The following RFC1 variants were observed in gnomAD, a reference collection of about 807,000 sequenced individuals.
The protein encoded by RFC1 is A1 140 kDa subunit.
In RFC1, 37 loss-of-function variants were observed where a neutral mutation model predicts 137.4. That is an observed-to-expected ratio of 0.27 (90% CI 0.21 to 0.35). The LOEUF (loss-of-function observed/expected upper bound fraction) is 0.35. Ranked by LOEUF, RFC1 falls within the 10% of genes least tolerant of loss-of-function variation. The probability of loss-of-function intolerance (pLI) is 1.00; values close to 1 mark genes in which losing one functional copy is unlikely to be tolerated. For missense variants in RFC1, 1,205 were observed against 1,358.5 expected (o/e 0.89, Z 1.78); for synonymous variants, 429 against 455.7 (o/e 0.94, Z 0.75).
chr4:39,288,714 G>C lies in RFC1; in HGVS notation c.*47C>G, dbSNP rs2109567136. The C allele has an allele frequency of 8.3e-7, 1 of 1,203,876 alleles. No homozygotes were observed. The highest frequency in any genetic ancestry group is 1.2e-6 in the Non-Finnish European group (1 of 809,840). 74.6% of individuals were successfully genotyped at this position (1,203,876 alleles called of 1,614,324 possible). A position where few individuals can be genotyped will look rare whatever the true frequency, so the allele number is the denominator to read the frequency against. ...AGGCTTTCTCTAGACCAGCTGGACT[G>C]GTCAGGAGGGAGAGTAAAAAGTGGC... On this transcript the variant is annotated 3_prime_UTR_variant, in exon 25 of 25. Transcript: ENST00000349703.
chr4:39,351,334 C>A lies in RFC1; in HGVS notation c.132+14G>T. On this transcript the variant is annotated intron_variant, in intron 2 of 24. Coordinates refer to ENST00000349703, the MANE Select transcript of RFC1 (RefSeq NM_002913.5). ...ACATTTCATTCAATGCAAAATTATA[C>A]CCAGAAAACTAACCTTGATTTCCTT... 6.9e-7 allele frequency: 1 copy of A among 1,452,236 alleles called. No individual in the cohort carries two copies. Among genetic ancestry groups the A allele is most frequent in the Non-Finnish European group, 9.1e-7 (1 of 1,098,398 alleles). The allele number at this position is 1,452,236 out of a possible 1,614,324, so 90.0% of individuals were successfully genotyped here.
chr4:39,320,715 A>G (rs771348596), intron 8 of RFC1, 46 bp from the exon 9 acceptor site: 33 of 1,500,390 alleles, frequency 2.2e-5, no homozygotes, highest in Non-Finnish European at 2.8e-5. Context: ...GGAAAATGAT[A>G]ATCTATATCA....
chr4:39,338,336 T>C (rs1294860121), intron 4 of RFC1, among the ~76,000 whole-genome samples: 2 of 152,202 alleles, frequency 1.3e-5, no homozygotes, highest in Admixed American at 6.5e-5. Flanking sequence ...TCTAAAAAGC[T>C]AGCTGTATAA....
At position 39,327,699 on chromosome 4, in the gene RFC1, C is replaced by T; in HGVS notation, c.389G>A (p.Arg130Lys). The T allele has an allele frequency of 6.2e-7, 1 of 1,612,842 alleles. No homozygotes were observed. Among genetic ancestry groups the T allele is most frequent in the Non-Finnish European group, 8.5e-7 (1 of 1,179,604 alleles). Residue 130 changes from arginine (R) to lysine (K), a missense_variant, in exon 5 of 25, where the codon AGA becomes AAA. Arg to Lys is a conservative substitution (Grantham distance 26). This residue lies in a region of RFC1 where 962 missense variants were observed against 1,035.3 expected (regional missense o/e 0.93). Transcript: ENST00000349703. The part of the protein sequence containing the change: ...KAASKSKENG[R>K]STNSHLGTSN... ...TGTTCCAAGATGACTATTTGTAGATCTTCCATTCTCTTTTGATTTAGAGGC... is the reference window on the plus strand; with the variant it reads ...TGTTCCAAGATGACTATTTGTAGATTTTCCATTCTCTTTTGATTTAGAGGC...
At chr4:39,341,048 A>G (rs1463528196) in intron 4 of RFC1, among the ~76,000 whole-genome samples, 1 of 152,230 alleles carries the variant, frequency 6.6e-6, no homozygotes, top group Admixed American at 6.5e-5. Flanking sequence ...ATACAGAAAG[A>G]AAAAAATTGC....
chr4:39,366,310 C>G lies in RFC1; in HGVS notation c.-69G>C. On this transcript the variant is annotated 5_prime_UTR_variant, in exon 1 of 25. Coordinates refer to ENST00000349703, the MANE Select transcript of RFC1 (RefSeq NM_002913.5). ...GGTTGAGGAATCTGTTATCGAGGCTCAGGATCCATTCGCGCCAACAACTTC... is the reference window on the plus strand; with the variant it reads ...GGTTGAGGAATCTGTTATCGAGGCTGAGGATCCATTCGCGCCAACAACTTC... 1 of 1,460,582 alleles carries G rather than the reference C, an allele frequency of 6.8e-7. No individual in the cohort carries two copies. Among genetic ancestry groups the G allele is most frequent in the Non-Finnish European group, 9.1e-7 (1 of 1,100,484 alleles). 90.5% of individuals were successfully genotyped at this position (1,460,582 alleles called of 1,614,324 possible).
chr4:39,352,194 C>T (rs1014514804), intron 1 of RFC1, among the ~76,000 whole-genome samples: 3 of 152,042 alleles, frequency 2.0e-5, no homozygotes, highest in Admixed American at 6.6e-5. Context: ...GAATATGATC[C>T]TTGTCTGTGG....
chr4:39,350,030 T>C (rs754531657), intron 2 of RFC1, among the ~76,000 whole-genome samples: 2 of 151,962 alleles, frequency 1.3e-5, no homozygotes, highest in Non-Finnish European at 1.5e-5. Context: ...GCAGCTACTA[T>C]AATTACACTC....
At position 39,342,448 on chromosome 4, in the gene RFC1, C is replaced by T. The variant is rs768804379; in HGVS notation, c.228G>A (p.Thr76=). The part of the protein sequence containing the change: ...IYDSDSESEE[T]LQVKNAKKPP... Reference sequence around the variant, plus strand: ...GCTTTTTGGCATTTTTTACCTGCAACGTCTCCTCTGACTCTGAATCTGTAT... The same window carrying T: ...GCTTTTTGGCATTTTTTACCTGCAATGTCTCCTCTGACTCTGAATCTGTAT... Residue 76 remains threonine, a synonymous_variant, in exon 4 of 25, where the codon ACG becomes ACA. Coordinates refer to ENST00000349703, the MANE Select transcript of RFC1 (RefSeq NM_002913.5). 6 of 1,612,768 alleles carry T rather than the reference C, an allele frequency of 3.7e-6. No individual in the cohort carries two copies. Among genetic ancestry groups the T allele is most frequent in the Non-Finnish European group, 5.1e-6 (6 of 1,179,180 alleles).
Position 39,312,947 on chromosome 4 carries a change from T to C in RFC1, c.1204-16A>G. ...TTTCAGCTCCCTAAAAACCAAAATG[T>C]TCAAGCAGAGAGGAAATTACATGGT... is the stretch of plus-strand genomic sequence containing the variant. On this transcript the variant is annotated splice_polypyrimidine_tract_variant and intron_variant, in intron 10 of 24. Transcript: ENST00000349703. The C allele has an allele frequency of 6.3e-7, 1 of 1,580,612 alleles. No individual in the cohort carries two copies. Among genetic ancestry groups the C allele is most frequent in the Middle Eastern group, 1.7e-4 (1 of 5,954 alleles).
rs369740243 is a variant in RFC1, at chr4:39,312,780, C to T, written c.1355G>A (p.Arg452His). The T allele has an allele frequency of 1.9e-5, 30 of 1,613,980 alleles. No homozygotes were observed. Among genetic ancestry groups the T allele is most frequent in the South Asian group, 2.2e-5 (2 of 91,074 alleles). The stretch of plus-strand genomic sequence containing the variant: ...ATCACTCTTGGACTGTCCACTATCA[C>T]GACCCATGACAAGATAATTTGTTTT... Reference protein sequence around the residue: ...SKKTNYLVMGRDSGQSKSDKA... With the variant: ...SKKTNYLVMGHDSGQSKSDKA... Residue 452 changes from arginine (R) to histidine (H), a missense_variant, in exon 11 of 25, where the codon CGT (arginine) becomes CAT (histidine). Coordinates refer to ENST00000349703, the MANE Select transcript of RFC1 (RefSeq NM_002913.5).
At chr4:39,332,881 G>T (rs941618098) in intron 4 of RFC1, among the ~76,000 whole-genome samples, 1 of 152,198 alleles carries the variant, frequency 6.6e-6, no homozygotes, top group Non-Finnish European at 1.5e-5. Context: ...ACTTTGGGAG[G>T]CCAAGACGGA....
chr4:39,325,129 A>T (rs577111288), intron 6 of RFC1, among the ~76,000 whole-genome samples: 1 of 152,150 alleles, frequency 6.6e-6, no homozygotes, highest in Admixed American at 6.5e-5. Context: ...TCTCCCCATG[A>T]TCTCATCCAG....
At position 39,308,593 on chromosome 4, in the gene RFC1, T is replaced by C. The variant is rs754736661; in HGVS notation, c.1885+43A>G. The C allele has an allele frequency of 1.7e-5, 26 of 1,569,134 alleles. No homozygotes were observed. In the African/African-American group the frequency reaches 3.3e-4, roughly 20 times the overall value. ...ATATGTGCCACTGAGCAATCACATG[T>C]TGATATACACACACACAAAAATGAG... is the stretch of plus-strand genomic sequence containing the variant. On this transcript the variant is annotated intron_variant, in intron 13 of 24. Coordinates refer to ENST00000349703, the MANE Select transcript of RFC1 (RefSeq NM_002913.5).
chr4:39,301,100 A>C (rs1448103850), intron 19 of RFC1, among the ~76,000 whole-genome samples: 5 of 146,780 alleles, frequency 3.4e-5, no homozygotes, highest in African/African-American at 1.3e-4. Context: ...AAAAAAAAAA[A>C]CCAAAAAAAA....
At chr4:39,363,867 G>A (rs1371752107) in intron 1 of RFC1, among the ~76,000 whole-genome samples, 2 of 142,800 alleles carry the variant, frequency 1.4e-5, no homozygotes, top group Non-Finnish European at 1.5e-5. Context: ...CTCCAGCCTG[G>A]GCAAAACAGC....
chr4:39,347,018 T>C (rs934674771), intron 2 of RFC1, among the ~76,000 whole-genome samples: 6 of 152,302 alleles, frequency 3.9e-5, no homozygotes, highest in African/African-American at 1.4e-4. Context: ...AGAACACTCT[T>C]TGAAGGAATA....
intron 2 of RFC1, among the ~76,000 whole-genome samples, chr4:39,350,135 A>C (rs1190364875): frequency 6.6e-6 from 1 of 152,190 alleles, no homozygotes; most frequent in African/African-American, 2.4e-5. Context: ...AATTCACTAG[A>C]TAGCCTTAAC....
At position 39,317,037 on chromosome 4, in the gene RFC1, A is replaced by C. The variant is rs778962779; in HGVS notation, c.1096-15T>G. ...GGACTTACAGACTTTGGGAACAGGGAAAGGAAAATGAACAAAGTCATACAG... is the reference window on the plus strand; with the variant it reads ...GGACTTACAGACTTTGGGAACAGGGCAAGGAAAATGAACAAAGTCATACAG... On this transcript the variant is annotated splice_polypyrimidine_tract_variant and intron_variant, in intron 9 of 24. Coordinates refer to ENST00000349703, the MANE Select transcript of RFC1 (RefSeq NM_002913.5). The C allele has an allele frequency of 3.9e-6, 6 of 1,537,860 alleles. No homozygotes were observed. In the South Asian group the frequency reaches 6.8e-5, roughly 17 times the overall value.
Sources: gnomAD v4.1 joint callset for allele counts (sites outside exome capture counted in the v4.1 genomes callset) on GRCh38, gnomAD v4.1.1 for gene constraint, gnomAD v4.1.1 regional missense constraint, MANE v1.5 for transcripts, NCBI Gene and HGNC (gene_info 2026-07-23, HGNC 2026-07-21) for gene names.